The following LYRM1 variants were observed in gnomAD, a reference collection of about 807,000 sequenced individuals.
The protein encoded by LYRM1 is LYR motif containing 1.
In LYRM1, 14 loss-of-function variants were observed where a neutral mutation model predicts 14.9. The observed-to-expected ratio is 0.94, with a 90% CI of 0.62 to 1.47. The LOEUF (loss-of-function observed/expected upper bound fraction) is 1.47. Among genes scored for constraint, LYRM1 ranks in the 40% most tolerant of loss-of-function variants. LYRM1 has a pLI of 0.00. For synonymous variants in LYRM1, 43 were observed against 56.2 expected (o/e 0.77, Z 1.05); for missense variants, 153 against 149.9 (o/e 1.02, Z -0.11).
upstream of LYRM1, chr16:20,899,954 C>T (rs1169612245): frequency 6.6e-6 from 1 of 152,638 alleles, no homozygotes; most frequent in East Asian, 1.9e-4. Flanking sequence ...AACCCCATAT[C>T]CCCAGGCCCT....
chr16:20,915,422 TGCACTACAGCCTGG>T lies in LYRM1; in HGVS notation c.1-131_1-118del. 7.8e-6 allele frequency: 6 copies of T among 771,918 alleles called. No homozygotes were observed. The South Asian group carries it at 1.1e-4, about 15-fold the overall frequency. 47.8% of individuals were successfully genotyped at this position (771,918 alleles called of 1,614,324 possible). On this transcript the variant is annotated intron_variant, in intron 1 of 3. Transcript: ENST00000567954. ...TTCCAGTGAGCCGAGATTGCACCAC[TGCACTACAGCCTGG>T]GCGACAGAGCAAGACTCCGTCTCAA...
At chr16:20,907,887 A>T (rs761718322) in intron 1 of LYRM1, among the ~76,000 whole-genome samples, 44 of 152,108 alleles carry the variant, frequency 2.9e-4, no homozygotes, top group Admixed American at 6.6e-4. Context: ...TTGTTCTTGT[A>T]CATCATCTGC....
chr16:20,924,411 T>C lies in LYRM1; in HGVS notation c.*295T>C, dbSNP rs947934417. 8.8e-6 allele frequency: 2 copies of C among 226,974 alleles called. No homozygotes were observed. 14.1% of individuals were successfully genotyped at this position (226,974 alleles called of 1,614,324 possible). ...AGCGGAAGGATGTAAGAGCTGTTCA[T>C]GGGAATTCCATTCACCACACATGCC... On this transcript the variant is annotated 3_prime_UTR_variant, in exon 4 of 4. Coordinates refer to ENST00000567954, the MANE Select transcript of LYRM1 (RefSeq NM_001128302.3).
chr16:20,910,180 G>A (rs562412705), intron 1 of LYRM1, among the ~76,000 whole-genome samples: 1 of 152,290 alleles, frequency 6.6e-6, no homozygotes, highest in East Asian at 1.9e-4. Flanking sequence ...AGGCAAGAAA[G>A]AACATGGTTC....
At chr16:20,917,308 G>A (rs1243035571) in intron 2 of LYRM1, among the ~76,000 whole-genome samples, 1 of 152,070 alleles carries the variant, frequency 6.6e-6, no homozygotes, top group Non-Finnish European at 1.5e-5. Flanking sequence ...AAATACAACT[G>A]CTATTTCTAT....
chr16:20,902,354 T>C (rs1464849922), intron 1 of LYRM1: 1 of 152,182 alleles, frequency 6.6e-6, no homozygotes, highest in African/African-American at 2.4e-5. Context: ...AGAAGTTAGA[T>C]ATACAAGTCG....
intron 1 of LYRM1, among the ~76,000 whole-genome samples, chr16:20,904,691 T>TTGTGTGTGTGTGTGTG (rs3841490): frequency 1.2e-4 from 17 of 141,146 alleles, no homozygotes; most frequent in South Asian, 4.6e-4. Context: ...AAGTCTGTGG[T>TTGTGTGTGTGTGTGTG]TGTGTGTGTG....
At chr16:20,913,200 G>C (rs572402084) in intron 1 of LYRM1, among the ~76,000 whole-genome samples, 1 of 151,832 alleles carries the variant, frequency 6.6e-6, no homozygotes, top group African/African-American at 2.4e-5. Flanking sequence ...TTCTAGGAGA[G>C]GAAGGGAAAT....
intron 3 of LYRM1, among the ~76,000 whole-genome samples, 170 bp from the exon 4 acceptor site, chr16:20,923,830 A>C (rs890501336): frequency 2.0e-5 from 3 of 152,208 alleles, no homozygotes; most frequent in Non-Finnish European, 4.4e-5. Flanking sequence ...AAATATTAGA[A>C]TAATAATCCC....
At chr16:20,902,832 C>T (rs1374637409) in intron 1 of LYRM1, 1 of 152,184 alleles carries the variant, frequency 6.6e-6, no homozygotes, top group African/African-American at 2.4e-5. Context: ...GGTACAGAGC[C>T]TTGTCCATAT....
In LYRM1 at chr16:20,918,392, A is replaced by G. The variant is rs565775142; in HGVS notation, c.160-1730A>G. Among the ~76,000 whole-genome samples, 10 of 152,308 alleles carry G rather than the reference A, an allele frequency of 6.6e-5. No homozygotes were observed. The East Asian group carries it at 1.3e-3, about 21-fold the overall frequency. On this transcript the variant is annotated intron_variant, in intron 2 of 3. Coordinates refer to ENST00000567954, the MANE Select transcript of LYRM1 (RefSeq NM_001128302.3). ...ATTTGGGAGTGGGCGGAAGAGGTAC[A>G]TGGGTTCTTAATTTTAAGATACGTA... is the stretch of plus-strand genomic sequence containing the variant.
chr16:20,924,072 C>T lies in LYRM1; in HGVS notation c.325C>T (p.Leu109Phe). 6.2e-7 allele frequency: 1 copy of T among 1,613,034 alleles called. No homozygotes were observed. Among genetic ancestry groups the T allele is most frequent in the East Asian group, 2.2e-5 (1 of 44,892 alleles). Residue 109 changes from leucine to phenylalanine, a missense_variant, in exon 4 of 4, where the codon CTT becomes TTT. By Grantham distance (22) the Leu-to-Phe change is conservative. Transcript: ENST00000567954. ...TCGAAGCCAAGAGAAACTGAGGAAA[C>T]TTTCCAAACCAGTATATCTCAGATC... ...GLRSQEKLRK[L>F]SKPVYLRSHD...
intron 1 of LYRM1, among the ~76,000 whole-genome samples, chr16:20,914,429 C>T (rs1308376666): frequency 6.6e-6 from 1 of 150,758 alleles, no homozygotes; most frequent in Non-Finnish European, 1.5e-5. Context: ...GCTGGGACTA[C>T]AGGCACATGC....
Position 20,915,616 on chromosome 16 carries a change from A to G in LYRM1, c.61A>G (p.Arg21Gly), listed in dbSNP as rs1301348266. The G allele has an allele frequency of 6.2e-7, 1 of 1,614,166 alleles. No homozygotes were observed. ...GLYRSIFRLA[R>G]KWQATSGQME... The stretch of plus-strand genomic sequence containing the variant: ...CTACCGCAGCATTTTCAGGCTTGCG[A>G]GGAAATGGCAGGCGACATCAGGGCA... Residue 21 changes from arginine (R) to glycine (G), a missense_variant, in exon 2 of 4, where the codon AGG becomes GGG. Arg to Gly is a moderately radical substitution (Grantham distance 125). Coordinates refer to ENST00000567954, the MANE Select transcript of LYRM1 (RefSeq NM_001128302.3).
intron 1 of LYRM1, among the ~76,000 whole-genome samples, chr16:20,915,343 C>G (rs1283017030): frequency 6.6e-6 from 1 of 151,866 alleles, no homozygotes; most frequent in Non-Finnish European, 1.5e-5. Context: ...GCCTGTAGTC[C>G]CAGCTACTCG....
intron 2 of LYRM1, 109 bp from the exon 3 acceptor site, chr16:20,920,013 A>T: frequency 1.7e-6 from 1 of 591,738 alleles, no homozygotes; most frequent in South Asian, 3.4e-5. Context: ...AATTAGTAAC[A>T]TTTCATTTAC....
rs1210259411 is a variant in LYRM1, at chr16:20,924,328, GACCTTACATCCTCACTGC to G, written c.*214_*231del. ...GATGGCATTATCCCTAGAGGTCATG[GACCTTACATCCTCACTGC>G]AGTCACCTTTGGAAACAAGACCGAG... On this transcript the variant is annotated 3_prime_UTR_variant, in exon 4 of 4. Transcript: ENST00000567954. 10 of 475,654 alleles carry G rather than the reference GACCTTACATCCTCACTGC, an allele frequency of 2.1e-5. No homozygotes were observed. In the East Asian group the frequency reaches 3.8e-4, roughly 18 times the overall value. 29.5% of individuals were successfully genotyped at this position (475,654 alleles called of 1,614,324 possible).
intron 2 of LYRM1, among the ~76,000 whole-genome samples, chr16:20,916,381 C>G (rs1404635923): frequency 1.3e-5 from 2 of 152,202 alleles, no homozygotes; most frequent in African/African-American, 2.4e-5. Context: ...TGGAAAAAGG[C>G]TTTCACACCC....
At chr16:20,916,799 A>G (rs770531820) in intron 2 of LYRM1, among the ~76,000 whole-genome samples, 3 of 152,208 alleles carry the variant, frequency 2.0e-5, no homozygotes, top group Non-Finnish European at 4.4e-5. Flanking sequence ...CTCAACAAAT[A>G]TTTGATTGCC....
Sources: gnomAD v4.1 joint callset for allele counts (sites outside exome capture counted in the v4.1 genomes callset) on GRCh38, gnomAD v4.1.1 for gene constraint, MANE v1.5 for transcripts, NCBI Gene and HGNC (gene_info 2026-07-23, HGNC 2026-07-21) for gene names.